The following CCDC7 variants were observed in gnomAD, a reference collection of about 807,000 sequenced individuals.
CCDC7 encodes the protein coiled-coil domain-containing protein 7.
A neutral mutation model predicts 196.9 loss-of-function variants in CCDC7; 183 were observed. The ratio of observed to expected loss-of-function variants is 0.93; its 90% CI spans 0.82 to 1.05. The LOEUF (loss-of-function observed/expected upper bound fraction) is 1.05. Ranked by LOEUF, CCDC7 falls within the 50% of genes least tolerant of loss-of-function variation. The pLI is 0.00. For synonymous variants in CCDC7, 525 were observed against 484.6 expected (o/e 1.08, Z -1.10); for missense variants, 1,540 against 1,482.2 (o/e 1.04, Z -0.64).
intron 41 of CCDC7, among the ~76,000 whole-genome samples, chr10:32,860,767 A>G (rs899324140): frequency 2.0e-5 from 3 of 151,696 alleles, no homozygotes; most frequent in African/African-American, 7.3e-5. Context: ...CTATACACCA[A>G]TAACAAACAG....
intron 2 of CCDC7, among the ~76,000 whole-genome samples, chr10:32,454,400 A>G (rs2505340): frequency 0.37 from 56,129 of 151,922 alleles, 12,012 homozygotes; most frequent in Non-Finnish European, 0.5. Context: ...TTGAAGTCCA[A>G]TAGAAACTGG....
chr10:32,801,893 A>G (rs1387608124), intron 29 of CCDC7, among the ~76,000 whole-genome samples: 1 of 152,190 alleles, frequency 6.6e-6, no homozygotes, highest in Non-Finnish European at 1.5e-5. Context: ...AAAAAGTCTC[A>G]TCAGAATTTA....
At chr10:32,457,082 A>G (rs544830885) in intron 3 of CCDC7, among the ~76,000 whole-genome samples, 55 of 151,968 alleles carry the variant, frequency 3.6e-4, no homozygotes, top group African/African-American at 1.1e-3. Context: ...GTAGAACACT[A>G]TAACTTATTT....
chr10:32,567,163 G>A (rs539584104), intron 14 of CCDC7, among the ~76,000 whole-genome samples: 1 of 144,980 alleles, frequency 6.9e-6, no homozygotes, highest in Non-Finnish European at 1.5e-5. Flanking sequence ...TATGAGGTGA[G>A]ATTATTTATG....
chr10:32,492,323 G>C (rs2042277691), intron 9 of CCDC7, among the ~76,000 whole-genome samples: 1 of 152,076 alleles, frequency 6.6e-6, no homozygotes, highest in South Asian at 2.1e-4. Flanking sequence ...ATATGATCCA[G>C]CAATTCCACT....
At chr10:32,631,589 C>A (rs1398087610) in intron 18 of CCDC7, among the ~76,000 whole-genome samples, 1 of 151,756 alleles carries the variant, frequency 6.6e-6, no homozygotes, top group Non-Finnish European at 1.5e-5. Context: ...TGACAGGCCT[C>A]CAAATAGTTT....
At chr10:32,447,257 T>A (rs1182468464), upstream of CCDC7, among the ~76,000 whole-genome samples, 2 of 152,162 alleles carry the variant, frequency 1.3e-5, no homozygotes, top group Non-Finnish European at 2.9e-5. Context: ...CCAAATCCAG[T>A]GTCAGCTTAG....
At chr10:32,778,867 C>A in intron 28 of CCDC7, 110 bp from the exon 30 acceptor site, 1 of 711,856 alleles carries the variant, frequency 1.4e-6, no homozygotes, top group Non-Finnish European at 2.4e-6. Context: ...AGTGTTTTTG[C>A]AGTTCTCGTT....
At chr10:32,825,564 C>T (rs1238205252) in intron 32 of CCDC7, among the ~76,000 whole-genome samples, 1 of 152,162 alleles carries the variant, frequency 6.6e-6, no homozygotes, top group African/African-American at 2.4e-5. Flanking sequence ...TCTATTACTT[C>T]TTTCCCTCTA....
chr10:32,579,425 T>C (rs2058533800), intron 16 of CCDC7, among the ~76,000 whole-genome samples: 2 of 152,204 alleles, frequency 1.3e-5, no homozygotes, highest in African/African-American at 4.8e-5. Context: ...CCAACTAATA[T>C]GGCTGTGTAC....
chr10:32,461,272 G>A (rs1355591587), intron 3 of CCDC7, among the ~76,000 whole-genome samples: 1 of 152,048 alleles, frequency 6.6e-6, no homozygotes, highest in East Asian at 1.9e-4. Flanking sequence ...TTGTAACTTA[G>A]CCTACCCTAC....
At position 32,856,310 on chromosome 10, in the gene CCDC7, A is replaced by G. The variant is rs188317887; in HGVS notation, c.4111+1821A>G. Among the ~76,000 whole-genome samples the G allele has an allele frequency of 2.2e-4, 33 of 152,344 alleles. 1 individual carries two copies. Among genetic ancestry groups the G allele is most frequent in the Admixed American group, 9.2e-4 (14 of 15,298 alleles). ...ATGGGAGAAAATATTTTTAAATCACATATCTGATAAGGTATTAATAATCCA... is the reference window on the plus strand; with the variant it reads ...ATGGGAGAAAATATTTTTAAATCACGTATCTGATAAGGTATTAATAATCCA... On this transcript the variant is annotated intron_variant, in intron 41 of 41. Coordinates refer to ENST00000639629, the Ensembl canonical transcript of CCDC7.
chr10:32,572,005 T>C, intron 16 of CCDC7, 112 bp downstream of exon 17: 1 of 968,936 alleles, frequency 1.0e-6, no homozygotes, highest in Non-Finnish European at 1.4e-6. Context: ...TCTTTGAAAC[T>C]AATTTTAAGT....
intron 21 of CCDC7, among the ~76,000 whole-genome samples, chr10:32,672,459 C>G (rs1357829581): frequency 6.6e-6 from 1 of 152,144 alleles, no homozygotes; most frequent in Non-Finnish European, 1.5e-5. Flanking sequence ...AATGTGGTTA[C>G]TTGCAGAGTG....
intron 31 of CCDC7, among the ~76,000 whole-genome samples, chr10:32,818,529 A>C (rs2089371163): frequency 6.6e-6 from 1 of 152,200 alleles, no homozygotes; most frequent in Non-Finnish European, 1.5e-5. Context: ...AATCAACAGA[A>C]TATACATTCT....
intron 11 of CCDC7, among the ~76,000 whole-genome samples, chr10:32,530,361 C>A (rs1415845910): frequency 6.7e-6 from 1 of 148,206 alleles, no homozygotes; most frequent in African/African-American, 2.4e-5. Flanking sequence ...TTGCTTTTGG[C>A]AGTATGGTCA....
At chr10:32,575,575 C>T (rs151028111) in intron 16 of CCDC7, among the ~76,000 whole-genome samples, 1 of 152,280 alleles carries the variant, frequency 6.6e-6, no homozygotes, top group East Asian at 1.9e-4. Context: ...ATAGAGAGCA[C>T]CTAGTCAACC....
chr10:32,820,215 G>T (rs1593115292), intron 31 of CCDC7, among the ~76,000 whole-genome samples: 1 of 152,140 alleles, frequency 6.6e-6, no homozygotes, highest in Non-Finnish European at 1.5e-5. Context: ...ATTCACAATT[G>T]CTTCAAAGAG....
At chr10:32,690,570 C>T (rs938997942) in intron 23 of CCDC7, among the ~76,000 whole-genome samples, 1 of 152,110 alleles carries the variant, frequency 6.6e-6, no homozygotes, top group Non-Finnish European at 1.5e-5. Flanking sequence ...AGTCATTATG[C>T]ACCTGAGGGT....
Sources: allele counts gnomAD v4.1 joint callset (sites outside exome capture counted in the v4.1 genomes callset), GRCh38; gene constraint gnomAD v4.1.1; transcripts MANE v1.5; gene names NCBI Gene and HGNC (gene_info 2026-07-23, HGNC 2026-07-21).